RPN1: variants seen among roughly 807,000 people sequenced by gnomAD.
The protein encoded by RPN1 is dolichyl-diphosphooligosaccharide--protein glycosyltransferase subunit 1.
A neutral mutation model predicts 55.5 loss-of-function variants in RPN1; 12 were observed. That is an observed-to-expected ratio of 0.22 (90% CI 0.14 to 0.35). RPN1 has a LOEUF of 0.35. Ranked by LOEUF, RPN1 falls within the 10% of genes least tolerant of loss-of-function variation. The pLI is 1.00. For synonymous variants in RPN1, 317 were observed against 305.9 expected (o/e 1.04, Z -0.38); for missense variants, 679 against 761.3 (o/e 0.89, Z 1.27).
At chr3:128,650,267 G>A (rs1228812345) in intron 1 of RPN1, among the ~76,000 whole-genome samples, 3 of 152,184 alleles carry the variant, frequency 2.0e-5, no homozygotes, top group Non-Finnish European at 4.4e-5. Flanking sequence ...AGCTGCCCAC[G>A]TGAGCAGCGA....
intron 9 of RPN1, 139 bp from the exon 10 acceptor site, chr3:128,620,732 G>C (rs896749091): frequency 5.7e-6 from 5 of 877,444 alleles, no homozygotes; most frequent in South Asian, 1.8e-5. Flanking sequence ...CAGTGTCCCA[G>C]GGCAGCAGGG....
chr3:128,632,820 CCT>C (rs1347199405), intron 3 of RPN1, among the ~76,000 whole-genome samples: 5 of 152,160 alleles, frequency 3.3e-5, no homozygotes, highest in Non-Finnish European at 7.3e-5. Context: ...GTCTCGAACC[CCT>C]GACCTCAGGT....
chr3:128,638,189 T>G (rs2069695657), intron 2 of RPN1, 84 bp from the exon 3 acceptor site: 1 of 1,042,182 alleles, frequency 9.6e-7, no homozygotes, highest in South Asian at 1.6e-5. Flanking sequence ...CAACAAAATT[T>G]TGAACCAAAG....
intron 3 of RPN1, among the ~76,000 whole-genome samples, chr3:128,633,236 T>C (rs2069653829): frequency 6.6e-6 from 1 of 151,956 alleles, no homozygotes; most frequent in African/African-American, 2.4e-5. Context: ...TTCTTTTTTT[T>C]TTTAAATTAT....
At chr3:128,645,538 G>GCTGGGTAATCACAC (rs1157572359) in intron 1 of RPN1, among the ~76,000 whole-genome samples, 4 of 152,036 alleles carry the variant, frequency 2.6e-5, no homozygotes, top group Admixed American at 6.6e-5. Flanking sequence ...AATACACACA[G>GCTGGGTAATCACAC]CTGGGTGTGG....
At chr3:128,647,693 G>GAA (rs1280379043) in intron 1 of RPN1, among the ~76,000 whole-genome samples, 10 of 68,012 alleles carry the variant, frequency 1.5e-4, no homozygotes, top group Non-Finnish European at 1.8e-4. Flanking sequence ...CTTGCCTCAA[G>GAA]AAAAAAAAAA....
intron 3 of RPN1, 41 bp from the exon 4 acceptor site, chr3:128,632,198 G>A: frequency 6.3e-7 from 1 of 1,585,046 alleles, no homozygotes; most frequent in South Asian, 1.1e-5. Context: ...TTTGGCAACA[G>A]AGAATGCACC....
chr3:128,643,113 G>C (rs2069739655), intron 2 of RPN1, among the ~76,000 whole-genome samples: 1 of 150,080 alleles, frequency 6.7e-6, no homozygotes, highest in Admixed American at 6.7e-5. Context: ...GATCACCTGA[G>C]GTCAGGAGTT....
At chr3:128,635,730 A>G (rs1404615242) in intron 3 of RPN1, among the ~76,000 whole-genome samples, 1 of 146,492 alleles carries the variant, frequency 6.8e-6, no homozygotes, top group Admixed American at 6.9e-5. Context: ...TATATATAAA[A>G]AACAAAATGG....
intron 9 of RPN1, among the ~76,000 whole-genome samples, chr3:128,621,847 T>C (rs1471137195): frequency 1.3e-5 from 2 of 152,184 alleles, no homozygotes; most frequent in African/African-American, 4.8e-5. Flanking sequence ...TAGGTTCATT[T>C]TACCACAACA....
At chr3:128,650,118 C>T (rs780134579) in intron 1 of RPN1, among the ~76,000 whole-genome samples, 1 of 152,226 alleles carries the variant, frequency 6.6e-6, no homozygotes, top group Middle Eastern at 3.2e-3. Context: ...GTCTGGCGCC[C>T]GCTGGCACCG....
At chr3:128,645,971 G>T (rs981208546) in intron 1 of RPN1, among the ~76,000 whole-genome samples, 3 of 152,208 alleles carry the variant, frequency 2.0e-5, no homozygotes, top group Middle Eastern at 3.4e-3. Flanking sequence ...AGGGCTGGGC[G>T]CAGTGGCTCA....
intron 3 of RPN1, 54 bp from the exon 4 acceptor site, chr3:128,632,211 T>C (rs9868579): frequency 0.35 from 542,605 of 1,528,652 alleles, 97,772 homozygotes; most frequent in East Asian, 0.39. Flanking sequence ...AATGCACCAT[T>C]AGTTTAAATC....
intron 3 of RPN1, among the ~76,000 whole-genome samples, chr3:128,634,778 G>A (rs556609101): frequency 6.6e-6 from 1 of 152,078 alleles, no homozygotes; most frequent in East Asian, 1.9e-4. Flanking sequence ...GGCCAGGCTG[G>A]TCTCGAACTC....
intron 1 of RPN1, among the ~76,000 whole-genome samples, chr3:128,646,413 T>C (rs1005181247): frequency 6.6e-6 from 1 of 152,082 alleles, no homozygotes; most frequent in Non-Finnish European, 1.5e-5. Context: ...GCAGGCATGG[T>C]GGCTCACGCC....
At chr3:128,649,263 A>G (rs2069794641) in intron 1 of RPN1, among the ~76,000 whole-genome samples, 1 of 152,204 alleles carries the variant, frequency 6.6e-6, no homozygotes, top group Non-Finnish European at 1.5e-5. Flanking sequence ...AAATAAGTAC[A>G]TTAACCTAGC....
At chr3:128,642,966 G>A (rs954965969) in intron 2 of RPN1, among the ~76,000 whole-genome samples, 21 of 151,332 alleles carry the variant, frequency 1.4e-4, no homozygotes, top group African/African-American at 4.4e-4. Context: ...GCAGTGAGCC[G>A]AGATCACGTG....
intron 6 of RPN1, 61 bp from the exon 7 acceptor site, chr3:128,626,073 G>A (rs2069597971): frequency 6.6e-7 from 1 of 1,504,786 alleles, no homozygotes; most frequent in Admixed American, 2.1e-5. Context: ...ACCAGATTTA[G>A]GATCAGAGAA....
chr3:128,643,259 T>G (rs775879350), intron 2 of RPN1, among the ~76,000 whole-genome samples: 3 of 140,998 alleles, frequency 2.1e-5, no homozygotes, highest in Non-Finnish European at 1.5e-5. Context: ...CCTAGGAGGC[T>G]GAGGTTGCAG....
Sources: gnomAD v4.1 joint callset for allele counts (sites outside exome capture counted in the v4.1 genomes callset) on GRCh38, gnomAD v4.1.1 for gene constraint, MANE v1.5 for transcripts, NCBI Gene and HGNC (gene_info 2026-07-23, HGNC 2026-07-21) for gene names.